ACAA2: variants seen among roughly 807,000 people sequenced by gnomAD.
ACAA2 encodes 3-ketoacyl-CoA thiolase, mitochondrial.
A neutral mutation model predicts 44.8 loss-of-function variants in ACAA2; 35 were observed. The ratio of observed to expected loss-of-function variants is 0.78; its 90% CI spans 0.60 to 1.04. The LOEUF is 1.04. Ranked by LOEUF, ACAA2 falls within the 50% of genes least tolerant of loss-of-function variation. The pLI is 0.00. For synonymous variants in ACAA2, 142 were observed against 166.5 expected (o/e 0.85, Z 1.13); for missense variants, 468 against 482.6 (o/e 0.97, Z 0.28).
chr18:49,795,716 TATATAATGC>T (rs1459401971), intron 4 of ACAA2, 40 bp downstream of exon 4: 3 of 1,167,388 alleles, frequency 2.6e-6, no homozygotes, highest in Non-Finnish European at 3.6e-6. Flanking sequence ...TAAAAGTACT[TATATAATGC>T]TAATAAGAAC....
At chr18:49,798,864 T>TA (rs1209656565) in intron 2 of ACAA2, among the ~76,000 whole-genome samples, 1 of 151,986 alleles carries the variant, frequency 6.6e-6, no homozygotes, top group African/African-American at 2.4e-5. Context: ...ATCAACAGAA[T>TA]AAAAAAAATT....
intron 7 of ACAA2, 24 bp from the exon 8 acceptor site, chr18:49,787,385 A>AT: frequency 7.5e-7 from 1 of 1,341,030 alleles, no homozygotes; most frequent in Non-Finnish European, 9.7e-7. Flanking sequence ...AAAATCTTCT[A>AT]TAAAAATATA....
intron 6 of ACAA2, 105 bp from the exon 7 acceptor site, chr18:49,791,704 G>T: frequency 1.7e-6 from 2 of 1,165,976 alleles, no homozygotes; most frequent in Non-Finnish European, 2.4e-6. Flanking sequence ...TACATAGGAA[G>T]CCAGTGCACA....
intron 1 of ACAA2, among the ~76,000 whole-genome samples, chr18:49,804,798 C>T (rs543203696): frequency 7.2e-5 from 11 of 152,256 alleles, no homozygotes; most frequent in Admixed American, 1.3e-4. Context: ...TCACCTACTA[C>T]CATCTGCCAA....
intron 5 of ACAA2, among the ~76,000 whole-genome samples, chr18:49,793,844 G>A (rs2023434024): frequency 6.6e-6 from 1 of 152,102 alleles, no homozygotes; most frequent in Non-Finnish European, 1.5e-5. Flanking sequence ...AGTGGCAGAA[G>A]GAAAGCATAA....
chr18:49,797,753 A>T (rs2023481904), intron 2 of ACAA2, among the ~76,000 whole-genome samples, 159 bp from the exon 3 acceptor site: 1 of 152,212 alleles, frequency 6.6e-6, no homozygotes, highest in South Asian at 2.1e-4. Flanking sequence ...ATTATATCTA[A>T]TATGTGTTTA....
intron 1 of ACAA2, among the ~76,000 whole-genome samples, chr18:49,811,102 C>A (rs1021098668): frequency 6.6e-6 from 1 of 150,930 alleles, no homozygotes; most frequent in African/African-American, 2.4e-5. Flanking sequence ...TTTGAACACC[C>A]TGAAAATTCA....
intron 2 of ACAA2, among the ~76,000 whole-genome samples, chr18:49,797,862 G>GTA (rs1224862489): frequency 6.6e-6 from 1 of 152,034 alleles, no homozygotes; most frequent in African/African-American, 2.4e-5. Context: ...ATTTTTAAGT[G>GTA]TATAGTTCAA....
chr18:49,808,909 A>C (rs1411904269), intron 1 of ACAA2, among the ~76,000 whole-genome samples: 1 of 152,158 alleles, frequency 6.6e-6, no homozygotes, highest in Non-Finnish European at 1.5e-5. Context: ...TTTACCAAGA[A>C]GCGTTTTTTC....
chr18:49,792,477 C>A, intron 5 of ACAA2, 150 bp from the exon 6 acceptor site: 1 of 757,832 alleles, frequency 1.3e-6, no homozygotes, highest in East Asian at 2.9e-5. Flanking sequence ...TGGAGTCTCA[C>A]ATTGTCGCCT....
At chr18:49,796,286 A>T (rs2023463938) in intron 3 of ACAA2, among the ~76,000 whole-genome samples, 1 of 152,200 alleles carries the variant, frequency 6.6e-6, no homozygotes, top group Non-Finnish European at 1.5e-5. Flanking sequence ...AAGAACAGAG[A>T]TTTACAAGAA....
intron 2 of ACAA2, 105 bp from the exon 3 acceptor site, chr18:49,797,699 C>T: frequency 1.1e-6 from 1 of 913,012 alleles, no homozygotes; most frequent in Non-Finnish European, 1.6e-6. Flanking sequence ...AAATGATAAA[C>T]TATATGGCTC....
intron 2 of ACAA2, among the ~76,000 whole-genome samples, chr18:49,800,272 TG>T (rs1161919636): frequency 7.9e-6 from 1 of 126,138 alleles, no homozygotes; most frequent in East Asian, 2.4e-4. Flanking sequence ...GGGAGGGAGG[TG>T]GGGGGGTCAG....
At chr18:49,791,721 G>A in intron 6 of ACAA2, 122 bp from the exon 7 acceptor site, 1 of 926,032 alleles carries the variant, frequency 1.1e-6, no homozygotes, top group Non-Finnish European at 1.6e-6. Flanking sequence ...CACAGTGTGA[G>A]ATACAATTAG....
Position 49,783,644 on chromosome 18 carries a change from G to C in ACAA2, c.*203C>G. ...CTCAGAAATACATCATATTTCACTG[G>C]TTCAAATCTGAGAGAATGTACTTCT... On this transcript the variant is annotated 3_prime_UTR_variant, in exon 10 of 10. Coordinates refer to ENST00000285093, the MANE Select transcript of ACAA2 (RefSeq NM_006111.3). 1.9e-6 allele frequency: 1 copy of C among 524,540 alleles called. No homozygotes were observed. Among genetic ancestry groups the C allele is most frequent in the Non-Finnish European group, 3.5e-6 (1 of 284,158 alleles). 32.5% of individuals were successfully genotyped at this position (524,540 alleles called of 1,614,324 possible).
intron 2 of ACAA2, among the ~76,000 whole-genome samples, chr18:49,801,061 C>G (rs1466221664): frequency 2.0e-5 from 3 of 152,118 alleles, no homozygotes; most frequent in Non-Finnish European, 1.5e-5. Flanking sequence ...TAAAAAGAAT[C>G]CACATTGGAT....
rs1205488870 is a variant in ACAA2, at chr18:49,800,258, G to A, written c.183+2429C>T. On this transcript the variant is annotated intron_variant, in intron 2 of 9. Transcript: ENST00000285093. ...CCCCGCCCGGCCAGCCGCCCCGTCC[G>A]GGAGGGAGGGAGGTGGGGGGGTCAG... is the stretch of plus-strand genomic sequence containing the variant. Among the ~76,000 whole-genome samples the A allele has an allele frequency of 1.2e-4, 18 of 146,050 alleles. No homozygotes were observed. In the East Asian group the frequency reaches 1.5e-3, roughly 12 times the overall value.
intron 1 of ACAA2, among the ~76,000 whole-genome samples, chr18:49,807,993 A>C (rs1568591486): frequency 6.6e-6 from 1 of 152,120 alleles, no homozygotes; most frequent in East Asian, 1.9e-4. Flanking sequence ...AAAAAAAAAA[A>C]AAAAAACCCA....
rs117806836 is a variant in ACAA2 at position 49,784,761 on chromosome 18, G to T, written c.1109+436C>A. Among the ~76,000 whole-genome samples, 706 of 152,198 alleles carry T rather than the reference G, an allele frequency of 4.6e-3. 1 individual carries two copies. The highest frequency in any genetic ancestry group is 7.2e-3 in the Non-Finnish European group (492 of 68,018). ...CCTGGAACCCTGCAAGCAGTGAAAA[G>T]AAAAACTTAGACCCAAATGTCAGTT... On this transcript the variant is annotated intron_variant, in intron 9 of 9. Coordinates refer to ENST00000285093, the MANE Select transcript of ACAA2 (RefSeq NM_006111.3).
Sources: gnomAD v4.1 joint callset for allele counts (sites outside exome capture counted in the v4.1 genomes callset) on GRCh38, gnomAD v4.1.1 for gene constraint, MANE v1.5 for transcripts, NCBI Gene and HGNC (gene_info 2026-07-23, HGNC 2026-07-21) for gene names.